PCDHAC2: variants seen among roughly 807,000 people sequenced by gnomAD.
The protein encoded by PCDHAC2 is protocadherin alpha subfamily C, 2, also known as protocadherin alpha-C2.
Under a neutral mutation model 63.3 loss-of-function variants are expected in PCDHAC2, and 24 were observed. That is an observed-to-expected ratio of 0.38 (90% CI 0.27 to 0.53). PCDHAC2 has a LOEUF of 0.53. PCDHAC2 is among the 20% of genes least tolerant of loss of function. PCDHAC2 has a pLI of 0.81. For missense variants in PCDHAC2, 1,181 were observed against 1,275.2 expected (o/e 0.93, Z 1.12); for synonymous variants, 569 against 529.4 (o/e 1.07, Z -1.03).
chr5:140,981,026 A>T (rs1300851844), intron 2 of PCDHAC2, among the ~76,000 whole-genome samples: 3 of 152,088 alleles, frequency 2.0e-5, no homozygotes, highest in Admixed American at 6.5e-5. Flanking sequence ...GGCTGTTAAT[A>T]TTTGGGGAAA....
At chr5:140,995,416 T>G (rs2097682772) in intron 3 of PCDHAC2, among the ~76,000 whole-genome samples, 1 of 152,228 alleles carries the variant, frequency 6.6e-6, no homozygotes, top group African/African-American at 2.4e-5. Context: ...TTCATCACAT[T>G]ACTCAGAACA....
chr5:140,968,580 C>T lies in PCDHAC2; in HGVS notation c.1814C>T (p.Thr605Ile), dbSNP rs782395602. 1 of 1,614,218 alleles carries T rather than the reference C, an allele frequency of 6.2e-7. No homozygotes were observed. Among genetic ancestry groups the T allele is most frequent in the Admixed American group, 1.7e-5 (1 of 60,024 alleles). ...PRTAPAGYLV[T>I]KVIAMDSDSG... ...ACTGCCCCTGCTGGCTACCTGGTCA[C>T]CAAAGTCATAGCTATGGACTCAGAC... The change falls in exon 1 of 4, where the codon ACC (threonine) becomes ATC (isoleucine). Residue 605 changes from threonine (T) to isoleucine (I), a missense_variant. Transcript: ENST00000289269.
At chr5:140,984,680 AT>A (rs1180119303) in intron 3 of PCDHAC2, among the ~76,000 whole-genome samples, 1 of 152,158 alleles carries the variant, frequency 6.6e-6, no homozygotes, top group East Asian at 1.9e-4. Context: ...TTAGGACTCA[AT>A]ATATGTTCTG....
rs2096146085 is a variant in PCDHAC2 at position 140,967,476 on chromosome 5, G to T, written c.710G>T (p.Arg237Leu). The part of the protein sequence containing the change: ...LTAVDGGIPA[R>L]SGTAQISVRV... ...GCCGTGGATGGGGGCATCCCAGCCC[G>T]CTCGGGTACGGCACAGATCTCTGTG... The change falls in exon 1 of 4, where the codon CGC becomes CTC. Residue 237 changes from arginine to leucine, a missense_variant. Transcript: ENST00000289269. The T allele has an allele frequency of 6.2e-7, 1 of 1,613,324 alleles. No individual in the cohort carries two copies. The highest frequency in any genetic ancestry group is 1.3e-5 in the African/African-American group (1 of 75,056).
chr5:140,979,961 C>G (rs1554241296), intron 2 of PCDHAC2, among the ~76,000 whole-genome samples: 1 of 152,054 alleles, frequency 6.6e-6, no homozygotes, highest in Non-Finnish European at 1.5e-5. Context: ...TAGTTTTAGC[C>G]CATTAAAATG....
chr5:140,986,714 CATT>C (rs1426352732), intron 3 of PCDHAC2, among the ~76,000 whole-genome samples: 4 of 152,118 alleles, frequency 2.6e-5, no homozygotes, highest in Non-Finnish European at 4.4e-5. Flanking sequence ...CAGAAGATAA[CATT>C]ATAGCTTCTC....
At chr5:140,975,056 A>G (rs1006106436) in intron 1 of PCDHAC2, among the ~76,000 whole-genome samples, 3 of 152,154 alleles carry the variant, frequency 2.0e-5, no homozygotes, top group Non-Finnish European at 4.4e-5. Flanking sequence ...AGAATCTACT[A>G]TCGAGCTCAT....
chr5:140,978,182 AC>A (rs1240611427), intron 1 of PCDHAC2, among the ~76,000 whole-genome samples: 1 of 152,186 alleles, frequency 6.6e-6, no homozygotes, highest in African/African-American at 2.4e-5. Context: ...AGAGAGGGCA[AC>A]AGATCTTTTC....
intron 3 of PCDHAC2, among the ~76,000 whole-genome samples, chr5:140,994,613 G>A (rs1452021453): frequency 2.0e-5 from 3 of 152,082 alleles, no homozygotes; most frequent in Admixed American, 6.5e-5. Flanking sequence ...GCTGAGGCAC[G>A]AGAGTCACTT....
intron 3 of PCDHAC2, 116 bp downstream of exon 3, chr5:140,982,679 C>T: frequency 7.0e-7 from 1 of 1,436,546 alleles, no homozygotes; most frequent in Non-Finnish European, 9.2e-7. Flanking sequence ...TTGTTATTCC[C>T]TTTTTTCCAT....
intron 1 of PCDHAC2, among the ~76,000 whole-genome samples, chr5:140,973,052 G>C (rs114678656): frequency 0.013 from 2,011 of 152,210 alleles, 55 homozygotes; most frequent in African/African-American, 0.046. Flanking sequence ...TAGTAGATTT[G>C]TCCAACAGTG....
chr5:140,999,600 TG>T (rs1213821435), intron 3 of PCDHAC2, among the ~76,000 whole-genome samples: 3 of 152,150 alleles, frequency 2.0e-5, no homozygotes. Context: ...CCCTACATCC[TG>T]GGGGACCTTA....
chr5:140,971,161 C>T (rs189213416), intron 1 of PCDHAC2, among the ~76,000 whole-genome samples: 1 of 152,292 alleles, frequency 6.6e-6, no homozygotes, highest in Non-Finnish European at 1.5e-5. Flanking sequence ...CCAGGCTCAG[C>T]TTTGCCACCA....
At chr5:141,004,142 G>C (rs1323224367) in intron 3 of PCDHAC2, among the ~76,000 whole-genome samples, 1 of 152,214 alleles carries the variant, frequency 6.6e-6, no homozygotes, top group African/African-American at 2.4e-5. Flanking sequence ...TGCCCCAAAG[G>C]CATGACATTT....
In PCDHAC2 at chr5:141,010,844, A is replaced by T. The variant is rs1286149629; in HGVS notation, c.*907A>T. ...TGTTTGTTGTTTCATAGATTTATTT[A>T]AAAAAAGAGAAAGTCTATAGCTATA... On this transcript the variant is annotated 3_prime_UTR_variant, in exon 4 of 4. Coordinates refer to ENST00000289269, the MANE Select transcript of PCDHAC2 (RefSeq NM_018899.6). The T allele has an allele frequency of 1.3e-5, 2 of 153,756 alleles. No homozygotes were observed. The highest frequency in any genetic ancestry group is 2.9e-5 in the Non-Finnish European group (2 of 68,056). 9.5% of individuals were successfully genotyped at this position (153,756 alleles called of 1,614,324 possible).
Position 140,966,894 on chromosome 5 carries a change from A to C in PCDHAC2, c.128A>C (p.Gln43Pro). 1 of 1,596,438 alleles carries C rather than the reference A, an allele frequency of 6.3e-7. No individual in the cohort carries two copies. The highest frequency in any genetic ancestry group is 1.3e-5 in the African/African-American group (1 of 74,730). ...CTGCTACCTGGCCCTGCGGCCTCCCAGCTGCGATACTCTGTGCCAGAGGAG... is the reference window on the plus strand; with the variant it reads ...CTGCTACCTGGCCCTGCGGCCTCCCCGCTGCGATACTCTGTGCCAGAGGAG... ...LLLLPGPAASQLRYSVPEEQA... is the reference protein window; with the variant it reads ...LLLLPGPAASPLRYSVPEEQA... Residue 43 changes from glutamine to proline, a missense_variant, in exon 1 of 4, where the codon CAG (glutamine) becomes CCG (proline). Gln to Pro is a moderately conservative substitution (Grantham distance 76, BLOSUM62 -1). This residue lies in a region of PCDHAC2 where 210 missense variants were observed against 184.9 expected (regional missense o/e 1.14). Transcript: ENST00000289269.
Position 140,969,258 on chromosome 5 carries a change from A to G in PCDHAC2, c.2492A>G (p.Asn831Ser), listed in dbSNP as rs782513796. 9.3e-6 allele frequency: 15 copies of G among 1,614,106 alleles called. No homozygotes were observed. The highest frequency in any genetic ancestry group is 8.3e-5 in the Admixed American group (5 of 60,012). The stretch of plus-strand genomic sequence containing the variant: ...CAAGCAGCAGTGACTGACAGCAGGA[A>G]TCTCACAGGCCAAAGTGGTCAGAAT... ...GAQAAVTDSR[N>S]LTGQSGQNAG... Residue 831 changes from asparagine (N) to serine (S), a missense_variant, in exon 1 of 4, where the codon AAT becomes AGT. Asn to Ser is a conservative substitution (Grantham distance 46, BLOSUM62 1). Coordinates refer to ENST00000289269, the MANE Select transcript of PCDHAC2 (RefSeq NM_018899.6).
At chr5:140,975,120 C>CT (rs140169299) in intron 1 of PCDHAC2, among the ~76,000 whole-genome samples, 5 of 152,258 alleles carry the variant, frequency 3.3e-5, no homozygotes, top group African/African-American at 1.2e-4. Flanking sequence ...TGTTTTCCTA[C>CT]TTACTATTGG....
chr5:141,008,439 G>A (rs2098377388), intron 3 of PCDHAC2, among the ~76,000 whole-genome samples: 1 of 152,128 alleles, frequency 6.6e-6, no homozygotes, highest in African/African-American at 2.4e-5. Context: ...TGCCCAGACA[G>A]ACCATTACCC....
Sources: allele counts gnomAD v4.1 joint callset (sites outside exome capture counted in the v4.1 genomes callset), GRCh38; gene constraint gnomAD v4.1.1; regional missense constraint gnomAD v4.1.1; transcripts MANE v1.5; gene names NCBI Gene and HGNC (gene_info 2026-07-23, HGNC 2026-07-21).